The following RHPN1 variants were observed in gnomAD, a reference collection of about 807,000 sequenced individuals.
RHPN1 encodes rhophilin Rho GTPase binding protein 1, also known as rhophilin-1.
Under a neutral mutation model 74.7 loss-of-function variants are expected in RHPN1, and 77 were observed. That is an observed-to-expected ratio of 1.03 (90% confidence interval 0.86 to 1.25). RHPN1 has a LOEUF of 1.25. RHPN1 is among the 50% of genes most tolerant of loss of function. The pLI is 0.00. For synonymous variants in RHPN1, 444 were observed against 414.5 expected (o/e 1.07, Z -0.87); for missense variants, 987 against 932.2 (o/e 1.06, Z -0.77).
At chr8:143,365,568 GA>G (rs1817546080), upstream of RHPN1, among the ~76,000 whole-genome samples, 1 of 152,220 alleles carries the variant, frequency 6.6e-6, no homozygotes, top group Non-Finnish European at 1.5e-5. Flanking sequence ...AGTCTCTCCA[GA>G]CCTTGAGGTC....
chr8:143,377,541 G>A (rs758674092), intron 4 of RHPN1, 86 bp downstream of exon 4: 4 of 932,348 alleles, frequency 4.3e-6, no homozygotes, highest in Non-Finnish European at 5.0e-6. Flanking sequence ...CAGCTGTCTG[G>A]TTGAACAGAT....
At chr8:143,366,397 A>T (rs201386027), upstream of RHPN1, among the ~76,000 whole-genome samples, 3 of 151,906 alleles carry the variant, frequency 2.0e-5, no homozygotes, top group Non-Finnish European at 4.4e-5. Context: ...AAAATAATTT[A>T]AAAAAACAAA....
Position 143,378,779 on chromosome 8 carries a change from C to T in RHPN1, c.543C>T (p.Arg181=), listed in dbSNP as rs758989330. The T allele has an allele frequency of 6.4e-7, 1 of 1,570,590 alleles. No homozygotes were observed. ...ACCAGCTGTGCTTCCTGGATGCGCG[C>T]TTCCTCACCCCTGCCAGGAGCCTCG... The part of the protein sequence containing the change: ...YYNQLCFLDA[R]FLTPARSLGL... Residue 181 remains arginine, a synonymous_variant, in exon 6 of 15, where the codon CGC becomes CGT. Transcript: ENST00000289013.
chr8:143,368,920 G>T lies in RHPN1; in HGVS notation c.-68G>T. The T allele has an allele frequency of 7.7e-7, 1 of 1,305,164 alleles. No homozygotes were observed. The highest frequency in any genetic ancestry group is 1.6e-5 in the South Asian group (1 of 63,466). The allele number at this position is 1,305,164 out of a possible 1,614,324, so 80.8% of individuals were successfully genotyped here. A position where few individuals can be genotyped will look rare whatever the true frequency, so the allele number is the denominator to read the frequency against. On this transcript the variant is annotated 5_prime_UTR_variant, in exon 1 of 15. Coordinates refer to ENST00000289013, the MANE Select transcript of RHPN1 (RefSeq NM_052924.3). ...AGGTGGTGCGGGCGGCCCTAGCCCG[G>T]CTGCGGAGCGCTGCGCGAGCGGCGG...
chr8:143,374,912 A>C (rs1818112148), intron 1 of RHPN1, among the ~76,000 whole-genome samples: 1 of 152,136 alleles, frequency 6.6e-6, no homozygotes. Flanking sequence ...GCGGGGCTGC[A>C]GTCTGGGTGC....
chr8:143,381,793 A>G lies in RHPN1; in HGVS notation c.1636-14A>G, dbSNP rs114683790. 12,258 of 1,610,624 alleles carry G rather than the reference A, an allele frequency of 7.6e-3. 713 individuals carry two copies. In the African/African-American group the frequency reaches 0.14, roughly 18 times the overall value. On this transcript the variant is annotated splice_polypyrimidine_tract_variant and intron_variant, in intron 13 of 14. Transcript: ENST00000289013. ...GTGTCCTGTCCCCACCTCACCGTCC[A>G]AGTCTCCCCACAGGCGGCTGGCCTG...
At chr8:143,380,356 G>T in intron 10 of RHPN1, 181 bp downstream of exon 10, 2 of 659,688 alleles carry the variant, frequency 3.0e-6, no homozygotes, top group Admixed American at 3.0e-5. Flanking sequence ...GGCCCCAGGA[G>T]TGCTGGGCAG....
intron 3 of RHPN1, 97 bp downstream of exon 3, chr8:143,376,750 T>C: frequency 2.9e-6 from 4 of 1,388,508 alleles, no homozygotes; most frequent in Non-Finnish European, 3.9e-6. Flanking sequence ...TCTGTGTGTA[T>C]ATGTGTGCAT....
upstream of RHPN1, chr8:143,366,951 T>G (rs1340547137): frequency 2.0e-5 from 3 of 152,328 alleles, no homozygotes; most frequent in Non-Finnish European, 4.4e-5. Flanking sequence ...CCCACACAAG[T>G]GCACCCAGTG....
At chr8:143,371,385 G>A (rs914585407) in intron 1 of RHPN1, among the ~76,000 whole-genome samples, 5 of 152,060 alleles carry the variant, frequency 3.3e-5, no homozygotes, top group Non-Finnish European at 7.4e-5. Flanking sequence ...CAGCATACAG[G>A]GTGCCCAGGG....
At chr8:143,367,670 A>T (rs1817588295), upstream of RHPN1, 1 of 152,152 alleles carries the variant, frequency 6.6e-6, no homozygotes, top group Admixed American at 6.5e-5. Flanking sequence ...CTTGTTGCGG[A>T]GCCGGGAGCA....
intron 1 of RHPN1, among the ~76,000 whole-genome samples, chr8:143,372,446 G>C (rs916484736): frequency 1.3e-5 from 2 of 152,136 alleles, no homozygotes; most frequent in African/African-American, 4.8e-5. Flanking sequence ...GGAGGCGGGA[G>C]TGAGAAACGG....
chr8:143,380,362 G>T, intron 10 of RHPN1, 187 bp downstream of exon 10: 1 of 654,548 alleles, frequency 1.5e-6, no homozygotes, highest in Non-Finnish European at 2.6e-6. Context: ...AGGAGTGCTG[G>T]GCAGCCTCTG....
intron 11 of RHPN1, among the ~76,000 whole-genome samples, 182 bp from the exon 12 acceptor site, chr8:143,381,086 G>A (rs1818690807): frequency 6.6e-6 from 1 of 152,190 alleles, no homozygotes; most frequent in Non-Finnish European, 1.5e-5. Flanking sequence ...GCCACTTGGG[G>A]CAGAGGGGGC....
chr8:143,374,336 C>G (rs1056477961), intron 1 of RHPN1: 1 of 984,044 alleles, frequency 1.0e-6, no homozygotes, highest in African/African-American at 1.7e-5. Context: ...TCAGACGCCA[C>G]AAGGTCCTGG....
intron 1 of RHPN1, 87 bp from the exon 2 acceptor site, chr8:143,375,466 G>C (rs1369253769): frequency 1.2e-6 from 1 of 857,496 alleles, no homozygotes; most frequent in Non-Finnish European, 1.8e-6. Context: ...CCCATGGGCA[G>C]GATGCACTCC....
chr8:143,377,294 G>A, intron 3 of RHPN1, 86 bp from the exon 4 acceptor site: 1 of 1,053,108 alleles, frequency 9.5e-7, no homozygotes, highest in South Asian at 1.4e-5. Context: ...GGCACCCTGT[G>A]CCACAGAGCC....
At chr8:143,378,395 A>G (rs1266150784) in intron 5 of RHPN1, 49 bp downstream of exon 5, 1 of 1,167,618 alleles carries the variant, frequency 8.6e-7, no homozygotes, top group Non-Finnish European at 1.1e-6. Flanking sequence ...TGGGAGACAC[A>G]TGCGGAGGCT....
intron 1 of RHPN1, 145 bp downstream of exon 1, chr8:143,369,192 T>A: frequency 3.5e-6 from 2 of 569,660 alleles, no homozygotes; most frequent in Non-Finnish European, 5.7e-6. Flanking sequence ...AGAGCCTGCG[T>A]CCCTCCTCCT....
Sources: allele counts gnomAD v4.1 joint callset (sites outside exome capture counted in the v4.1 genomes callset), GRCh38; gene constraint gnomAD v4.1.1; transcripts MANE v1.5; gene names NCBI Gene and HGNC (gene_info 2026-07-23, HGNC 2026-07-21).